Variants in PRH1 observed in about 807,000 individuals in gnomAD.
The protein encoded by PRH1 is proline rich protein HaeIII subfamily 1, also known as salivary acidic proline-rich phosphoprotein 1/2.
In PRH1, 7 loss-of-function variants were observed where a neutral mutation model predicts 7.9. That is an observed-to-expected ratio of 0.89 (90% CI 0.50 to 1.67). The LOEUF is 1.67. PRH1 is among the 40% of genes most tolerant of loss of function. PRH1 has a pLI of 0.00. For missense variants in PRH1, 109 were observed against 223.6 expected, an observed-to-expected ratio of 0.49 and a Z score of 3.27; for synonymous variants, 45 against 80.8, an observed-to-expected ratio of 0.56 and a Z score of 2.38.
intron 1 of PRH1, among the ~76,000 whole-genome samples, chr12:11,035,810 A>T (rs368477568): frequency 1.3e-5 from 2 of 152,296 alleles, no homozygotes; most frequent in South Asian, 4.1e-4. Flanking sequence ...GGATCTCAAA[A>T]TGTCATTAAA....
At chr12:11,004,866 A>T (rs1940756602) in intron 1 of PRH1, among the ~76,000 whole-genome samples, 1 of 152,130 alleles carries the variant, frequency 6.6e-6, no homozygotes. Context: ...ACAAAGAAAA[A>T]ATATTAAAAT....
At chr12:11,099,713 A>G (rs1178252539) in intron 1 of PRH1, among the ~76,000 whole-genome samples, 1 of 152,140 alleles carries the variant, frequency 6.6e-6, no homozygotes, top group Non-Finnish European at 1.5e-5. Flanking sequence ...CAGAAAACAC[A>G]CACACACACA....
At chr12:11,155,333 T>C (rs1431931373) in intron 1 of PRH1, among the ~76,000 whole-genome samples, 1 of 152,144 alleles carries the variant, frequency 6.6e-6, no homozygotes, top group Non-Finnish European at 1.5e-5. Flanking sequence ...GGTGCTTAGG[T>C]GTAGCTTTTC....
intron 2 of PRH1, chr12:10,908,139 A>G (rs1949832988): frequency 4.6e-6 from 2 of 434,090 alleles, no homozygotes; most frequent in Non-Finnish European, 8.1e-6. Flanking sequence ...AATTTACAAT[A>G]GAATCTGCCA....
intron 1 of PRH1, among the ~76,000 whole-genome samples, chr12:11,169,512 A>G (rs374707307): frequency 7.2e-5 from 11 of 152,276 alleles, no homozygotes; most frequent in African/African-American, 2.6e-4. Flanking sequence ...GGTGGAAGAT[A>G]AGGTTTTCAT....
intron 1 of PRH1, among the ~76,000 whole-genome samples, chr12:11,007,768 C>T (rs1007708006): frequency 6.6e-6 from 1 of 152,010 alleles, no homozygotes; most frequent in Non-Finnish European, 1.5e-5. Flanking sequence ...TACACCATTC[C>T]CAGAAGCAGA....
intron 1 of PRH1, among the ~76,000 whole-genome samples, chr12:11,019,008 T>A (rs1415067948): frequency 4.6e-5 from 7 of 151,976 alleles, no homozygotes; most frequent in African/African-American, 7.3e-5. Context: ...AAAAATAAAT[T>A]AAAAAAAAAC....
chr12:11,087,869 A>G (rs1277815683), intron 1 of PRH1, among the ~76,000 whole-genome samples: 2 of 115,806 alleles, frequency 1.7e-5, no homozygotes, highest in African/African-American at 2.9e-5. Context: ...GGTACTTTTT[A>G]CCGGGCTTGT....
intron 1 of PRH1, among the ~76,000 whole-genome samples, chr12:11,084,020 C>T (rs75675718): frequency 0.17 from 12,274 of 70,228 alleles, 1,038 homozygotes; most frequent in Non-Finnish European, 0.25. Context: ...CACACCCCTC[C>T]TTCTTTTTGC....
intron 1 of PRH1, among the ~76,000 whole-genome samples, chr12:11,100,061 G>C (rs1338700110): frequency 6.6e-6 from 1 of 152,098 alleles, no homozygotes; most frequent in Non-Finnish European, 1.5e-5. Flanking sequence ...ACAACTAATT[G>C]ATTTTTCCCT....
chr12:11,122,628 T>C (rs1015378058), intron 1 of PRH1, among the ~76,000 whole-genome samples: 5 of 152,258 alleles, frequency 3.3e-5, no homozygotes, highest in Non-Finnish European at 5.9e-5. Context: ...GCAGGAAACA[T>C]CATGTCAAAT....
chr12:11,116,559 T>C (rs185583452), downstream of PRH1, among the ~76,000 whole-genome samples: 1 of 152,202 alleles, frequency 6.6e-6, no homozygotes, highest in East Asian at 1.9e-4. Flanking sequence ...GAGGGAATAC[T>C]TCCAGGCTCA....
intron 1 of PRH1, among the ~76,000 whole-genome samples, chr12:11,107,395 T>A (rs1945454878): frequency 1.3e-5 from 2 of 152,234 alleles, no homozygotes; most frequent in African/African-American, 4.8e-5. Flanking sequence ...GCCAAAATTA[T>A]ATTTTCAATT....
intron 1 of PRH1, among the ~76,000 whole-genome samples, chr12:11,141,342 A>G (rs1946698130): frequency 6.6e-6 from 1 of 152,242 alleles, no homozygotes; most frequent in African/African-American, 2.4e-5. Flanking sequence ...TTTCCATTGA[A>G]GAGTCTAGAC....
intron 2 of PRH1, among the ~76,000 whole-genome samples, chr12:10,930,040 G>A (rs1470109960): frequency 6.6e-6 from 1 of 152,138 alleles, no homozygotes; most frequent in African/African-American, 2.4e-5. Flanking sequence ...AATCATGAGA[G>A]GACAAACAGG....
intron 1 of PRH1, among the ~76,000 whole-genome samples, chr12:11,059,246 G>C (rs921185458): frequency 1.3e-5 from 2 of 151,420 alleles, no homozygotes; most frequent in Non-Finnish European, 2.9e-5. Context: ...CCAAGTGTAC[G>C]CATCTGATGA....
intron 1 of PRH1, among the ~76,000 whole-genome samples, chr12:11,072,261 G>C (rs1160510721): frequency 6.6e-6 from 1 of 152,124 alleles, no homozygotes; most frequent in Non-Finnish European, 1.5e-5. Flanking sequence ...TTCCGGGATT[G>C]CAAGCAAGAG....
chr12:11,048,964 C>A, upstream of PRH1: 1 of 262,764 alleles, frequency 3.8e-6, no homozygotes, highest in East Asian at 8.5e-5. Flanking sequence ...GCTAGTAACA[C>A]CCAGATGCTG....
At chr12:11,127,760 T>A (rs1002765362) in intron 1 of PRH1, among the ~76,000 whole-genome samples, 10 of 152,292 alleles carry the variant, frequency 6.6e-5, no homozygotes, top group Non-Finnish European at 1.5e-5. Flanking sequence ...CTTAGGCCTT[T>A]AACTAAGTTA....
Sources: allele counts gnomAD v4.1 joint callset (sites outside exome capture counted in the v4.1 genomes callset), GRCh38; gene constraint gnomAD v4.1.1; transcripts MANE v1.5; gene names NCBI Gene and HGNC (gene_info 2026-07-23, HGNC 2026-07-21).